EML4: variants seen among roughly 807,000 people sequenced by gnomAD.
EML4 encodes EMAP like 4, also known as echinoderm microtubule-associated protein-like 4.
In EML4, 72 loss-of-function variants were observed where a neutral mutation model predicts 129.0. That is an observed-to-expected ratio of 0.56 (90% CI 0.46 to 0.68). The LOEUF (loss-of-function observed/expected upper bound fraction) is 0.68. Ranked by LOEUF, EML4 falls within the 30% of genes least tolerant of loss-of-function variation. EML4 has a pLI of 0.00. For missense variants in EML4, 1,363 were observed against 1,190.6 expected (o/e 1.14, Z -2.13); for synonymous variants, 532 against 405.0 (o/e 1.31, Z -3.77).
intron 1 of EML4, among the ~76,000 whole-genome samples, chr2:42,188,040 C>T (rs1671363093): frequency 6.6e-6 from 1 of 152,064 alleles, no homozygotes; most frequent in Non-Finnish European, 1.5e-5. Context: ...CGTTTATTTG[C>T]ACACTGATGA....
Position 42,331,404 on chromosome 2 carries a change from A to G in EML4, c.*1197A>G, listed in dbSNP as rs1213558679. 4.5e-6 allele frequency: 1 copy of G among 224,278 alleles called. No homozygotes were observed. Among genetic ancestry groups the G allele is most frequent in the Non-Finnish European group, 8.9e-6 (1 of 112,244 alleles). 13.9% of individuals were successfully genotyped at this position (224,278 alleles called of 1,614,324 possible). On this transcript the variant is annotated 3_prime_UTR_variant, in exon 23 of 23. Coordinates refer to ENST00000318522, the MANE Select transcript of EML4 (RefSeq NM_019063.5). ...GCAATGCATGTATTATGCATTGGAA[A>G]GGTATTTTTTTTAAGTTCTGTTGGC...
intron 1 of EML4, among the ~76,000 whole-genome samples, chr2:42,234,414 G>C (rs1009750647): frequency 6.6e-6 from 1 of 152,188 alleles, no homozygotes. Flanking sequence ...AGCTTGCCTT[G>C]TCTCGCTTCA....
rs1665845457 is a variant in EML4, at chr2:42,263,261, CT to C, written c.598del (p.Ser200GlnfsTer5). The C allele has an allele frequency of 6.2e-7, 1 of 1,612,970 alleles. No homozygotes were observed. Among genetic ancestry groups the C allele is most frequent in the Non-Finnish European group, 8.5e-7 (1 of 1,179,570 alleles). ...AGCCGTAATAAATTGTCGAAAATAC[CT>C]TCAACACCCAAATTAATACCAAAAG... is the stretch of plus-strand genomic sequence containing the variant. ...DDSRNKLSKI[P>X]STPKLIPKVT... On this transcript the variant is annotated frameshift_variant, in exon 5 of 23. Coordinates refer to ENST00000318522, the MANE Select transcript of EML4 (RefSeq NM_019063.5). LOFTEE classifies it high-confidence loss of function.
At chr2:42,265,051 A>C (rs13016514) in intron 6 of EML4, 349,023 of 1,136,916 alleles carry the variant, frequency 0.31, 57,592 homozygotes, top group East Asian at 0.56. Flanking sequence ...TTCTTCCTTA[A>C]AAAGGAAATA....
Position 42,330,616 on chromosome 2 carries a change from C to T in EML4, c.*409C>T, listed in dbSNP as rs1385427571. 1 of 270,596 alleles carries T rather than the reference C, an allele frequency of 3.7e-6. No individual in the cohort carries two copies. The highest frequency in any genetic ancestry group is 7.2e-6 in the Non-Finnish European group (1 of 139,172). 16.8% of individuals were successfully genotyped at this position (270,596 alleles called of 1,614,324 possible). ...TACTCATCTACTGGCTCAGACTGTA[C>T]TACTTTTTTTTTTTTTTTTCCTGAA... is the stretch of plus-strand genomic sequence containing the variant. On this transcript the variant is annotated 3_prime_UTR_variant, in exon 23 of 23. Transcript: ENST00000318522.
chr2:42,210,046 A>C (rs1381386635), intron 1 of EML4, among the ~76,000 whole-genome samples: 1 of 152,164 alleles, frequency 6.6e-6, no homozygotes, highest in East Asian at 1.9e-4. Flanking sequence ...CACACCCCCC[A>C]TTCCCTTATT....
At position 42,325,568 on chromosome 2, in the gene EML4, A is replaced by G. The variant is rs1558614478; in HGVS notation, c.2242+14A>G. The G allele has an allele frequency of 1.7e-6, 1 of 574,020 alleles. No homozygotes were observed. Among genetic ancestry groups the G allele is most frequent in the Non-Finnish European group, 2.9e-6 (1 of 348,538 alleles). 35.6% of individuals were successfully genotyped at this position (574,020 alleles called of 1,614,324 possible). On this transcript the variant is annotated intron_variant, in intron 20 of 22. Coordinates refer to ENST00000318522, the MANE Select transcript of EML4 (RefSeq NM_019063.5). The stretch of plus-strand genomic sequence containing the variant: ...AAATATTGTACTGTAAGTATGAATG[A>G]TTTTATATATATATATATATGCTAT...
intron 1 of EML4, among the ~76,000 whole-genome samples, chr2:42,174,487 C>T (rs1460513941): frequency 6.6e-6 from 1 of 152,076 alleles, no homozygotes; most frequent in Admixed American, 6.6e-5. Flanking sequence ...GACAGGTTTT[C>T]ACTATGTTGG....
chr2:42,325,362 G>T, intron 19 of EML4, 105 bp from the exon 20 acceptor site: 1 of 610,548 alleles, frequency 1.6e-6, no homozygotes, highest in South Asian at 1.5e-5. Flanking sequence ...CTCTCCTTTA[G>T]AAATTCCAAC....
At chr2:42,272,901 G>T (rs1291096076) in intron 6 of EML4, among the ~76,000 whole-genome samples, 3 of 152,070 alleles carry the variant, frequency 2.0e-5, no homozygotes, top group East Asian at 1.9e-4. Flanking sequence ...TAAAAAATTG[G>T]ACAGCCTTCA....
At chr2:42,191,866 G>C (rs920767366) in intron 1 of EML4, among the ~76,000 whole-genome samples, 1 of 152,028 alleles carries the variant, frequency 6.6e-6, no homozygotes, top group African/African-American at 2.4e-5. Context: ...AAACCTGGCC[G>C]GGCACGGTGG....
intron 1 of EML4, among the ~76,000 whole-genome samples, chr2:42,197,717 G>A (rs12997068): frequency 0.042 from 6,460 of 152,262 alleles, 190 homozygotes; most frequent in Non-Finnish European, 0.063. Flanking sequence ...TGGCACTTCA[G>A]AAGAAACCAG....
At chr2:42,209,477 G>A (rs988966036) in intron 1 of EML4, among the ~76,000 whole-genome samples, 2 of 152,136 alleles carry the variant, frequency 1.3e-5, no homozygotes, top group African/African-American at 4.8e-5. Flanking sequence ...AATGTAACTA[G>A]TAGGTGGTGA....
chr2:42,296,344 A>G (rs1667951612), intron 13 of EML4, among the ~76,000 whole-genome samples: 1 of 152,124 alleles, frequency 6.6e-6, no homozygotes. Context: ...TCACCAAAAA[A>G]AAAGTAAGAA....
intron 13 of EML4, 131 bp downstream of exon 13, chr2:42,295,647 T>G: frequency 1.5e-6 from 1 of 655,820 alleles, no homozygotes; most frequent in South Asian, 3.0e-5. Flanking sequence ...ACCTTTTGTT[T>G]TCAGCATTCT....
chr2:42,327,981 A>G (rs764564078), intron 21 of EML4, among the ~76,000 whole-genome samples: 19 of 152,258 alleles, frequency 1.2e-4, no homozygotes, highest in Non-Finnish European at 2.5e-4. Flanking sequence ...AAGACAGAGA[A>G]GCCTAATAGG....
At chr2:42,240,342 A>T (rs995625100) in intron 1 of EML4, among the ~76,000 whole-genome samples, 1 of 152,174 alleles carries the variant, frequency 6.6e-6, no homozygotes, top group Non-Finnish European at 1.5e-5. Context: ...CTCTTTTCTA[A>T]TCTTACCTTC....
chr2:42,277,012 A>G (rs913688273), intron 6 of EML4, among the ~76,000 whole-genome samples: 1 of 152,104 alleles, frequency 6.6e-6, no homozygotes, highest in South Asian at 2.1e-4. Context: ...TTGATACCCA[A>G]TATGGTGTTC....
At position 42,332,275 on chromosome 2, in the gene EML4, G is replaced by T. The variant is rs923499543; in HGVS notation, c.*2068G>T. ...GAGATTTATAATCATGATACTCTTCGGTGGTAGTTTCAAAAGACACTACTA... is the reference window on the plus strand; with the variant it reads ...GAGATTTATAATCATGATACTCTTCTGTGGTAGTTTCAAAAGACACTACTA... On this transcript the variant is annotated 3_prime_UTR_variant, in exon 23 of 23. Coordinates refer to ENST00000318522, the MANE Select transcript of EML4 (RefSeq NM_019063.5). 10 of 213,874 alleles carry T rather than the reference G, an allele frequency of 4.7e-5. No individual in the cohort carries two copies. The highest frequency in any genetic ancestry group is 3.5e-4 in the East Asian group (5 of 14,392). The allele number at this position is 213,874 out of a possible 1,614,324, so 13.2% of individuals were successfully genotyped here.
Sources: allele counts gnomAD v4.1 joint callset (sites outside exome capture counted in the v4.1 genomes callset), GRCh38; gene constraint gnomAD v4.1.1; transcripts MANE v1.5; gene names NCBI Gene and HGNC (gene_info 2026-07-23, HGNC 2026-07-21).